The following TMCO6 variants were observed in gnomAD, a reference collection of about 807,000 sequenced individuals.
TMCO6 encodes transmembrane and coiled-coil domain-containing protein 6.
TMCO6 carries 47 observed loss-of-function variants against 61.8 expected under a neutral mutation model. That is an observed-to-expected ratio of 0.76 (90% CI 0.60 to 0.97). The LOEUF (loss-of-function observed/expected upper bound fraction) is 0.97. TMCO6 is among the 50% of genes least tolerant of loss of function. The pLI is 0.00. For missense variants in TMCO6, 557 were observed against 601.6 expected (o/e 0.93, Z 0.78); for synonymous variants, 261 against 254.2 (o/e 1.03, Z -0.25).
the TMCO6 span, chr5:140,633,213 G>T: frequency 9.5e-7 from 1 of 1,048,778 alleles, no homozygotes; most frequent in Non-Finnish European, 1.4e-6. Context: ...ATGTAATCCT[G>T]GGATGTCATT....
intron 6 of TMCO6, 111 bp downstream of exon 6, chr5:140,642,782 T>C (rs1309150993): frequency 1.6e-5 from 26 of 1,584,522 alleles, no homozygotes; most frequent in Non-Finnish European, 2.2e-5. Flanking sequence ...TTCATGTGTC[T>C]GGCTAGGAAG....
At chr5:140,620,331 A>G in the TMCO6 span, among the ~76,000 whole-genome samples, 1 of 152,206 alleles carries the variant, frequency 6.6e-6, no homozygotes, top group East Asian at 1.9e-4. Flanking sequence ...AGACAAAACT[A>G]TATTGACAGT....
the TMCO6 span, among the ~76,000 whole-genome samples, chr5:140,606,476 C>T: frequency 6.6e-6 from 1 of 152,042 alleles, no homozygotes; most frequent in Non-Finnish European, 1.5e-5. Flanking sequence ...TACCGATTTT[C>T]TATTTTTTCC....
downstream of TMCO6, chr5:140,647,424 G>C (rs769705612): frequency 6.2e-7 from 1 of 1,610,024 alleles, no homozygotes; most frequent in Admixed American, 1.7e-5. Flanking sequence ...ACTTCAGGGA[G>C]GTCGAGGTCG....
At position 140,639,484 on chromosome 5, in the gene TMCO6, G is replaced by A. The variant is rs376009276; in HGVS notation, c.-44G>A. The stretch of plus-strand genomic sequence containing the variant: ...TGCCATCTTCTACGCCCCTGGGAGC[G>A]TTGTGGCTGCTGTTTCCTTCGGCTT... On this transcript the variant is annotated 5_prime_UTR_variant, in exon 1 of 12. Transcript: ENST00000394671. The A allele has an allele frequency of 6.8e-4, 1,043 of 1,536,488 alleles. 6 individuals carry two copies. In the African/African-American group the frequency reaches 0.013, roughly 18 times the overall value.
At chr5:140,631,664 C>T in the TMCO6 span, 1 of 502,788 alleles carries the variant, frequency 2.0e-6, no homozygotes, top group Non-Finnish European at 3.5e-6. Context: ...GATGAATTCC[C>T]CATCCAGCAC....
In TMCO6 at chr5:140,643,679, G is replaced by A. The variant is rs1307575442; in HGVS notation, c.918+4G>A. On this transcript the variant is annotated splice_donor_region_variant and intron_variant, in intron 8 of 11. Transcript: ENST00000394671. Reference sequence around the variant, plus strand: ...CGAGGATGCAGGACTGGAGCTGGTAGGTGAAGATGTCAGGTGAAATTCTGG... The same window carrying A: ...CGAGGATGCAGGACTGGAGCTGGTAAGTGAAGATGTCAGGTGAAATTCTGG... 11 of 1,608,924 alleles carry A rather than the reference G, an allele frequency of 6.8e-6. No homozygotes were observed. Among genetic ancestry groups the A allele is most frequent in the Non-Finnish European group, 9.3e-6 (11 of 1,176,900 alleles).
chr5:140,618,137 G>C, the TMCO6 span, among the ~76,000 whole-genome samples: 3 of 152,144 alleles, frequency 2.0e-5, no homozygotes, highest in East Asian at 5.8e-4. Flanking sequence ...CTTGAAAAAG[G>C]AGCAAAGGTC....
chr5:140,602,387 G>A, the TMCO6 span, among the ~76,000 whole-genome samples: 2 of 152,122 alleles, frequency 1.3e-5, no homozygotes, highest in Non-Finnish European at 2.9e-5. Flanking sequence ...AGTACTTAGA[G>A]CAGTTTGTAA....
chr5:140,604,975 AG>A, the TMCO6 span, among the ~76,000 whole-genome samples: 1 of 152,178 alleles, frequency 6.6e-6, no homozygotes, highest in Non-Finnish European at 1.5e-5. Context: ...TAAACATTGA[AG>A]GGATGTCTTT....
In TMCO6 at chr5:140,645,346, T is replaced by A. The variant is rs1232362607; in HGVS notation, c.*248T>A. 1.3e-6 allele frequency: 1 copy of A among 744,388 alleles called. No homozygotes were observed. The highest frequency in any genetic ancestry group is 2.0e-5 in the Admixed American group (1 of 49,254). The allele number at this position is 744,388 out of a possible 1,614,324, so 46.1% of individuals were successfully genotyped here. A position where few individuals can be genotyped will look rare whatever the true frequency, so the allele number is the denominator to read the frequency against. On this transcript the variant is annotated 3_prime_UTR_variant, in exon 12 of 12. Coordinates refer to ENST00000394671, the MANE Select transcript of TMCO6 (RefSeq NM_018502.5). ...CCCTGCCCCCCCGCCACCCTTCATG[T>A]TTGCTTCAGCAGCTGGTAGCTTTTG...
chr5:140,633,408 G>A, the TMCO6 span: 4 of 484,222 alleles, frequency 8.3e-6, no homozygotes, highest in East Asian at 8.0e-5. Flanking sequence ...AGGCGCCCCA[G>A]GCGGTGAATG....
the TMCO6 span, chr5:140,632,490 T>G: frequency 1.2e-6 from 2 of 1,614,014 alleles, no homozygotes; most frequent in South Asian, 2.2e-5. The surrounding 1 kb of genome is among the most constrained non-coding windows in gnomAD (Gnocchi z 6.2). Context: ...GAGCCACTGC[T>G]GCAGCTCGGC....
In TMCO6 at chr5:140,641,780, G is replaced by A. The variant is rs908207522; in HGVS notation, c.314G>A (p.Arg105Gln). The change falls in exon 3 of 12, where the codon CGG (arginine) becomes CAG (glutamine). Residue 105 changes from arginine (R) to glutamine (Q), a missense_variant and splice_region_variant. By Grantham distance (43) the Arg-to-Gln change is conservative. Coordinates refer to ENST00000394671, the MANE Select transcript of TMCO6 (RefSeq NM_018502.5). ...CCTGAAACACAGCAAACCTTCATCC[G>A]GTCAGTGTGGATGGTGTGGTGGAGG... ...QHPETQQTFIRLEGSMRTLVG... is the reference protein window; with the variant it reads ...QHPETQQTFIQLEGSMRTLVG... 23 of 1,614,076 alleles carry A rather than the reference G, an allele frequency of 1.4e-5. No individual in the cohort carries two copies. The highest frequency in any genetic ancestry group is 8.0e-5 in the African/African-American group (6 of 74,944).
intron 10 of TMCO6, 55 bp downstream of exon 10, chr5:140,644,249 G>A: frequency 1.9e-6 from 3 of 1,555,584 alleles, no homozygotes; most frequent in South Asian, 1.1e-5. Flanking sequence ...GTATGGGACA[G>A]CAGTCCTGAG....
chr5:140,599,029 C>A, the TMCO6 span, among the ~76,000 whole-genome samples: 1 of 152,214 alleles, frequency 6.6e-6, no homozygotes, highest in Non-Finnish European at 1.5e-5. Context: ...TCAATGTAAT[C>A]TATCTACCAG....
At chr5:140,619,956 G>A in the TMCO6 span, among the ~76,000 whole-genome samples, 2 of 152,186 alleles carry the variant, frequency 1.3e-5, no homozygotes, top group Non-Finnish European at 2.9e-5. Context: ...ATGCAAAATG[G>A]TATAGCCACT....
At chr5:140,622,272 A>G in the TMCO6 span, among the ~76,000 whole-genome samples, 1 of 152,198 alleles carries the variant, frequency 6.6e-6, no homozygotes, top group African/African-American at 2.4e-5. Flanking sequence ...AGGAAAATAG[A>G]AAAGAATCAA....
At position 140,642,571 on chromosome 5, in the gene TMCO6, CCTGT is replaced by C. The variant is rs1757106504; in HGVS notation, c.604-12_604-9del. The stretch of plus-strand genomic sequence containing the variant: ...ACCCAGCTTCCAGTCAGATCCTTAC[CCTGT>C]CTACTTCCAGTCCCCCCATGTGGCT... On this transcript the variant is annotated splice_polypyrimidine_tract_variant and intron_variant, in intron 5 of 11. Coordinates refer to ENST00000394671, the MANE Select transcript of TMCO6 (RefSeq NM_018502.5). 2.5e-6 allele frequency: 4 copies of C among 1,614,020 alleles called. No individual in the cohort carries two copies. The highest frequency in any genetic ancestry group is 1.3e-5 in the African/African-American group (1 of 75,046).
Sources: allele counts gnomAD v4.1 joint callset (sites outside exome capture counted in the v4.1 genomes callset), GRCh38; gene constraint gnomAD v4.1.1; non-coding constraint Gnocchi (gnomAD v3.1); transcripts MANE v1.5; gene names NCBI Gene and HGNC (gene_info 2026-07-23, HGNC 2026-07-21).